NODAL: variants seen among roughly 807,000 people sequenced by gnomAD.
NODAL encodes the protein nodal growth differentiation factor, also known as nodal homolog.
In NODAL, 12 loss-of-function variants were observed where a neutral mutation model predicts 34.0. That is an observed-to-expected ratio of 0.35 (90% confidence interval 0.23 to 0.57). NODAL has a LOEUF of 0.57. Ranked by LOEUF, NODAL falls within the 20% of genes least tolerant of loss-of-function variation. NODAL has a pLI of 0.83. For synonymous variants in NODAL, 162 were observed against 186.4 expected (o/e 0.87, Z 1.07); for missense variants, 390 against 444.2 (o/e 0.88, Z 1.10).
chr10:70,444,664 T>C (rs925620709), upstream of NODAL, among the ~76,000 whole-genome samples: 5 of 152,210 alleles, frequency 3.3e-5, no homozygotes, highest in Non-Finnish European at 5.9e-5. Flanking sequence ...GGGACCCACA[T>C]GGGCTAGGGT....
In NODAL at chr10:70,436,968, C is replaced by T. The variant is rs1368989787; in HGVS notation, c.194-985G>A. On this transcript the variant is annotated intron_variant, in intron 1 of 2. Transcript: ENST00000287139. Reference sequence around the variant, plus strand: ...ATGAATAAACTGTTAGATGCCCAGACTGGACCTACATCAGAGATCATCACC... The same window carrying T: ...ATGAATAAACTGTTAGATGCCCAGATTGGACCTACATCAGAGATCATCACC... Among the ~76,000 whole-genome samples, 5 of 152,212 alleles carry T rather than the reference C, an allele frequency of 3.3e-5. No individual in the cohort carries two copies. In the East Asian group the frequency reaches 7.7e-4, roughly 23 times the overall value.
upstream of NODAL, among the ~76,000 whole-genome samples, chr10:70,444,926 G>T (rs1845471193): frequency 1.3e-5 from 2 of 152,198 alleles, no homozygotes; most frequent in African/African-American, 4.8e-5. Context: ...GAGGCAGAAG[G>T]CACCCTCATC....
At chr10:70,443,095 A>AAAC (rs137898828), upstream of NODAL, among the ~76,000 whole-genome samples, 2,475 of 151,628 alleles carry the variant, frequency 0.016, 54 homozygotes, top group East Asian at 0.065. Flanking sequence ...TCAAAAAACA[A>AAAC]AACAACAACA....
At chr10:70,444,224 C>T (rs570386831), upstream of NODAL, among the ~76,000 whole-genome samples, 234 of 152,170 alleles carry the variant, frequency 1.5e-3, no homozygotes, top group African/African-American at 5.3e-3. Context: ...TGAACCACTG[C>T]GCCCGGCCAA....
Position 70,441,564 on chromosome 10 carries a change from G to A in NODAL, c.104C>T (p.Pro35Leu). ...ATALLRTRGQ[P>L]SSPSPLAYML... Reference sequence around the variant, plus strand: ...GTACGCCAGAGGGGATGGCGACGAGGGCTGCCCCCGCGTACGCAGGAGCGC... The same window carrying A: ...GTACGCCAGAGGGGATGGCGACGAGAGCTGCCCCCGCGTACGCAGGAGCGC... The change falls in exon 1 of 3, where the codon CCC (proline) becomes CTC (leucine). Residue 35 changes from proline (P) to leucine (L), a missense_variant. Transcript: ENST00000287139. 2 of 1,578,304 alleles carry A rather than the reference G, an allele frequency of 1.3e-6. No homozygotes were observed. The highest frequency in any genetic ancestry group is 1.7e-6 in the Non-Finnish European group (2 of 1,163,828).
chr10:70,441,625 C>T lies in NODAL; in HGVS notation c.43G>A (p.Ala15Thr). ...CLPFLLHAWW[A>T]LLQAGAATVA... Reference sequence around the variant, plus strand: ...GTCGCAGCACCCGCCTGGAGTAGGGCCCACCAGGCGTGCAGAAGGAAGGGC... The same window carrying T: ...GTCGCAGCACCCGCCTGGAGTAGGGTCCACCAGGCGTGCAGAAGGAAGGGC... The change falls in exon 1 of 3, where the codon GCC becomes ACC. Residue 15 changes from alanine (A) to threonine (T), a missense_variant. By Grantham distance (58) the Ala-to-Thr change is moderately conservative. Transcript: ENST00000287139. The T allele has an allele frequency of 1.9e-6, 3 of 1,552,298 alleles. No homozygotes were observed. The highest frequency in any genetic ancestry group is 2.4e-5 in the East Asian group (1 of 41,144).
upstream of NODAL, among the ~76,000 whole-genome samples, chr10:70,444,849 A>G (rs1845470643): frequency 6.6e-6 from 1 of 152,176 alleles, no homozygotes; most frequent in South Asian, 2.1e-4. Flanking sequence ...TGGGTGGTCC[A>G]TGGTTGTCAT....
intron 2 of NODAL, among the ~76,000 whole-genome samples, chr10:70,434,604 C>A (rs940848932): frequency 5.9e-5 from 9 of 152,156 alleles, no homozygotes; most frequent in African/African-American, 2.2e-4. Flanking sequence ...CTCAGGTGAT[C>A]CGCCCACCTC....
Position 70,432,583 on chromosome 10 carries a change from A to G in NODAL, c.*353T>C, listed in dbSNP as rs569049845. ...TCCCACCTCCAAAATACATGCACAT[A>G]TGTCTCAACTTTCACATACAGTTTC... is the stretch of plus-strand genomic sequence containing the variant. On this transcript the variant is annotated 3_prime_UTR_variant, in exon 3 of 3. Coordinates refer to ENST00000287139, the MANE Select transcript of NODAL (RefSeq NM_018055.5). 2.8e-6 allele frequency: 1 copy of G among 361,212 alleles called. No individual in the cohort carries two copies. Among genetic ancestry groups the G allele is most frequent in the South Asian group, 2.3e-5 (1 of 43,854 alleles). 22.4% of individuals were successfully genotyped at this position (361,212 alleles called of 1,614,324 possible).
chr10:70,435,336 G>A lies in NODAL; in HGVS notation c.841C>T (p.Pro281Ser). Reference protein sequence around the residue: ...YNAYRCEGECPNPVGEEFHPT... With the variant: ...YNAYRCEGECSNPVGEEFHPT... ...TGAAACTCCTCCCCAACAGGATTAG[G>A]ACACTCGCCCTCACAGCGATAGGCG... is the stretch of plus-strand genomic sequence containing the variant. The change falls in exon 2 of 3, where the codon CCT (proline) becomes TCT (serine). Residue 281 changes from proline (P) to serine (S), a missense_variant. Physicochemically the swap from Pro to Ser is moderately conservative, Grantham distance 74. Coordinates refer to ENST00000287139, the MANE Select transcript of NODAL (RefSeq NM_018055.5). The A allele has an allele frequency of 6.2e-7, 1 of 1,614,016 alleles. No individual in the cohort carries two copies. Among genetic ancestry groups the A allele is most frequent in the Non-Finnish European group, 8.5e-7 (1 of 1,179,958 alleles).
chr10:70,441,778 C>T, upstream of NODAL: 1 of 1,168,562 alleles, frequency 8.6e-7, no homozygotes, highest in Non-Finnish European at 1.2e-6. Context: ...GATCATATAA[C>T]CCCCCTCCGG....
chr10:70,445,736 A>C (rs1484871798), upstream of NODAL, among the ~76,000 whole-genome samples: 3 of 152,194 alleles, frequency 2.0e-5, no homozygotes. Context: ...TACAAGTGGA[A>C]ACAGCCAGTA....
chr10:70,435,459 AGTGAT>A lies in NODAL; in HGVS notation c.713_717del (p.His238LeufsTer38). On this transcript the variant is annotated frameshift_variant, in exon 2 of 3. Transcript: ENST00000287139. LOFTEE classifies it high-confidence loss of function. ...CGACACAGTTGACTTCTGTCTGGCA[AGTGAT>A]GTCGACGGTGCCTCTTGCCCCACTC... The A allele has an allele frequency of 6.2e-7, 1 of 1,614,142 alleles. No individual in the cohort carries two copies. The highest frequency in any genetic ancestry group is 1.7e-5 in the Admixed American group (1 of 60,020).
At chr10:70,434,098 G>A (rs2231947) in intron 2 of NODAL, among the ~76,000 whole-genome samples, 26,201 of 152,076 alleles carry the variant, frequency 0.17, 2,422 homozygotes, top group African/African-American at 0.2. Context: ...CCTGAATCCC[G>A]CCTGAGGCTT....
At chr10:70,435,181 G>T in intron 2 of NODAL, 105 bp downstream of exon 2, 1 of 1,009,550 alleles carries the variant, frequency 9.9e-7, no homozygotes, top group Non-Finnish European at 1.5e-6. Flanking sequence ...GGAGGTGCTT[G>T]AGTAACTGTG....
At chr10:70,443,934 T>C (rs10823542), upstream of NODAL, among the ~76,000 whole-genome samples, 128,634 of 144,614 alleles carry the variant, frequency 0.89, 56,587 homozygotes, top group Middle Eastern at 0.94. Flanking sequence ...TTGACTCCCC[T>C]TTTTTTTTTT....
intron 1 of NODAL, among the ~76,000 whole-genome samples, chr10:70,447,101 A>G (rs1845496566): frequency 6.9e-6 from 1 of 144,784 alleles, no homozygotes; most frequent in Non-Finnish European, 1.5e-5. Flanking sequence ...TTGAGATGGA[A>G]TCTCACTTTG....
At chr10:70,434,317 A>T (rs895244040) in intron 2 of NODAL, among the ~76,000 whole-genome samples, 2 of 152,034 alleles carry the variant, frequency 1.3e-5, no homozygotes, top group Non-Finnish European at 2.9e-5. Context: ...CACCTCCTAG[A>T]CCTTAGGCTG....
rs886047102 is a variant in NODAL, at chr10:70,435,663, G to C, written c.514C>G (p.Gln172Glu). The change falls in exon 2 of 3, where the codon CAG (glutamine) becomes GAG (glutamate). Residue 172 changes from glutamine (Q) to glutamate (E), a missense_variant. Transcript: ENST00000287139. ...CACTCTCCAGCTACCCTGGACATCTGCTTCTCCAGGGCCCCAGGGTGCTTC... is the reference window on the plus strand; with the variant it reads ...CACTCTCCAGCTACCCTGGACATCTCCTTCTCCAGGGCCCCAGGGTGCTTC... ...WLKHPGALEK[Q>E]MSRVAGECWP... 1 of 1,613,972 alleles carries C rather than the reference G, an allele frequency of 6.2e-7. No individual in the cohort carries two copies. The highest frequency in any genetic ancestry group is 8.5e-7 in the Non-Finnish European group (1 of 1,180,008).
Sources: gnomAD v4.1 joint callset for allele counts (sites outside exome capture counted in the v4.1 genomes callset) on GRCh38, gnomAD v4.1.1 for gene constraint, MANE v1.5 for transcripts, NCBI Gene and HGNC (gene_info 2026-07-23, HGNC 2026-07-21) for gene names.